MAGI1: variants seen among roughly 807,000 people sequenced by gnomAD.
MAGI1 encodes the protein membrane associated guanylate kinase, WW and PDZ domain containing 1, also known as membrane-associated guanylate kinase, WW and PDZ domain-containing protein 1.
A neutral mutation model predicts 139.9 loss-of-function variants in MAGI1; 58 were observed. That is an observed-to-expected ratio of 0.41 (90% CI 0.34 to 0.52). The LOEUF (loss-of-function observed/expected upper bound fraction) is 0.52. MAGI1 is among the 20% of genes least tolerant of loss of function. The pLI, the probability that MAGI1 is intolerant of heterozygous loss-of-function variation, is 0.12. For synonymous variants in MAGI1, 812 were observed against 737.9 expected, an observed-to-expected ratio of 1.10 and a Z score of -1.63; for missense variants, 1,874 against 1,901.6, an observed-to-expected ratio of 0.99 and a Z score of 0.27.
chr3:65,674,381 A>G (rs1301857012), intron 1 of MAGI1, among the ~76,000 whole-genome samples: 1 of 152,116 alleles, frequency 6.6e-6, no homozygotes, highest in African/African-American at 2.4e-5. Flanking sequence ...AGAACCAGTC[A>G]TTTTATTTCT....
intron 18 of MAGI1, among the ~76,000 whole-genome samples, chr3:65,375,382 T>C (rs1942413874): frequency 6.6e-6 from 1 of 151,754 alleles, no homozygotes; most frequent in African/African-American, 2.4e-5. Context: ...ACAGACGGGG[T>C]TCCACCGTGT....
At chr3:65,630,837 C>A (rs917497858) in intron 1 of MAGI1, among the ~76,000 whole-genome samples, 3 of 152,172 alleles carry the variant, frequency 2.0e-5, no homozygotes, top group Non-Finnish European at 2.9e-5. Flanking sequence ...CCAAAAGCCA[C>A]CTGTACCCCA....
At chr3:65,800,535 A>T (rs774789347) in intron 1 of MAGI1, among the ~76,000 whole-genome samples, 3 of 152,136 alleles carry the variant, frequency 2.0e-5, no homozygotes, top group Non-Finnish European at 4.4e-5. Context: ...AGGCCCAGTG[A>T]ACAGGTGCTT....
intron 1 of MAGI1, among the ~76,000 whole-genome samples, chr3:65,779,396 T>C (rs924336067): frequency 1.3e-5 from 2 of 152,234 alleles, no homozygotes; most frequent in East Asian, 1.9e-4. Context: ...GAGGGGACTA[T>C]ATCAGATGCC....
chr3:65,875,588 C>G (rs912375057), intron 1 of MAGI1, among the ~76,000 whole-genome samples: 1 of 152,138 alleles, frequency 6.6e-6, no homozygotes, highest in African/African-American at 2.4e-5. Context: ...CTCTCCATAT[C>G]GATCAGCCCC....
At chr3:65,836,518 T>C (rs1322224396) in intron 1 of MAGI1, among the ~76,000 whole-genome samples, 1 of 152,008 alleles carries the variant, frequency 6.6e-6, no homozygotes, top group Non-Finnish European at 1.5e-5. Context: ...AAGATGATGG[T>C]TGTCTAAAGA....
At chr3:65,458,346 GT>G (rs1949538568) in intron 5 of MAGI1, among the ~76,000 whole-genome samples, 1 of 150,048 alleles carries the variant, frequency 6.7e-6, no homozygotes, top group South Asian at 2.1e-4. Flanking sequence ...TCTATTTTTA[GT>G]TTTTCTGTTT....
chr3:65,684,825 T>A (rs1321247914), intron 1 of MAGI1, among the ~76,000 whole-genome samples: 1 of 148,984 alleles, frequency 6.7e-6, no homozygotes, highest in African/African-American at 2.5e-5. Context: ...CCTCAGCTTC[T>A]CAAGCATTTG....
At chr3:65,907,736 G>A (rs1005988774) in intron 1 of MAGI1, 1 of 152,182 alleles carries the variant, frequency 6.6e-6, no homozygotes, top group Admixed American at 6.5e-5. Flanking sequence ...CCTCCTGTGA[G>A]CCTGAGGCTA....
At chr3:65,937,271 T>C (rs928930819) in intron 1 of MAGI1, among the ~76,000 whole-genome samples, 1 of 124,808 alleles carries the variant, frequency 8.0e-6, no homozygotes, top group Non-Finnish European at 1.6e-5. Flanking sequence ...TGCAGCCTAT[T>C]TGCAGACCTC....
rs1019536158 is a variant in MAGI1 at position 65,437,180 on chromosome 3, C to T, written c.1338G>A (p.Glu446=). ...CCTGAAGTGGAACTTCTCTGGCTGG[C>T]TCTGGATTGCTTGGAGGGTGGTTTG... is the stretch of plus-strand genomic sequence containing the variant. ...VIPNHPPSNP[E]PAREVPLQGK... is the part of the protein sequence containing the mutation. The change falls in exon 10 of 23, where the codon GAG becomes GAA. Residue 446 remains glutamate, a synonymous_variant. Transcript: ENST00000402939. 1.1e-5 allele frequency: 17 copies of T among 1,610,098 alleles called. No individual in the cohort carries two copies. The highest frequency in any genetic ancestry group is 3.3e-5 in the Admixed American group (2 of 59,926).
At chr3:65,765,557 C>T (rs537995503) in intron 1 of MAGI1, among the ~76,000 whole-genome samples, 4 of 152,148 alleles carry the variant, frequency 2.6e-5, no homozygotes, top group South Asian at 2.1e-4. Flanking sequence ...AGTCAGGATT[C>T]GGGCCCAGGA....
chr3:65,537,192 T>C (rs975127299), intron 2 of MAGI1, among the ~76,000 whole-genome samples: 4 of 152,166 alleles, frequency 2.6e-5, no homozygotes, highest in Non-Finnish European at 4.4e-5. Flanking sequence ...ACACTGTCCG[T>C]GAATAGATCA....
At chr3:65,505,637 A>AAATAATAATAAT (rs142787163) in intron 2 of MAGI1, among the ~76,000 whole-genome samples, 2,045 of 144,358 alleles carry the variant, frequency 0.014, 25 homozygotes, top group East Asian at 0.067. Flanking sequence ...ACAAAGTCTA[A>AAATAATAATAAT]AATAATAATA....
chr3:65,775,393 A>T (rs2038295324), intron 1 of MAGI1, among the ~76,000 whole-genome samples: 1 of 151,152 alleles, frequency 6.6e-6, no homozygotes, highest in African/African-American at 2.4e-5. Flanking sequence ...AGGTTCCAGT[A>T]AGCCTAGATT....
chr3:65,703,113 A>G (rs546028053), intron 1 of MAGI1, among the ~76,000 whole-genome samples: 9 of 152,244 alleles, frequency 5.9e-5, no homozygotes, highest in African/African-American at 1.9e-4. Flanking sequence ...TTTGGCCTTC[A>G]AGGCATGATG....
chr3:65,896,549 C>T (rs1365299573), intron 1 of MAGI1, among the ~76,000 whole-genome samples: 1 of 152,166 alleles, frequency 6.6e-6, no homozygotes, highest in Non-Finnish European at 1.5e-5. Context: ...GTGGTTCACA[C>T]TTGTAGTCCC....
intron 1 of MAGI1, among the ~76,000 whole-genome samples, chr3:65,958,689 GCAAAAATA>G (rs10575876): frequency 0.01 from 1,568 of 152,238 alleles, 26 homozygotes; most frequent in African/African-American, 0.036. Context: ...GTGCTTGTGA[GCAAAAATA>G]CACATTTAGC....
chr3:65,596,992 T>C (rs1314766700), intron 2 of MAGI1, among the ~76,000 whole-genome samples: 1 of 152,120 alleles, frequency 6.6e-6, no homozygotes. Flanking sequence ...CGTTTCTAAT[T>C]TTCCCCGAGA....
Sources: gnomAD v4.1 joint callset for allele counts (sites outside exome capture counted in the v4.1 genomes callset) on GRCh38, gnomAD v4.1.1 for gene constraint, MANE v1.5 for transcripts, NCBI Gene and HGNC (gene_info 2026-07-23, HGNC 2026-07-21) for gene names.